Variants in CYRIB observed in about 807,000 individuals in gnomAD.
CYRIB encodes the protein CYFIP related Rac1 interactor B, also known as CYFIP-related Rac1 interactor B.
CYRIB carries 8 observed loss-of-function variants against 44.2 expected under a neutral mutation model. That is an observed-to-expected ratio of 0.18 (90% CI 0.11 to 0.33). The LOEUF (loss-of-function observed/expected upper bound fraction) is 0.33, where lower values mean the gene tolerates loss of function less well. Among genes scored for constraint, CYRIB ranks in the 10% least tolerant of loss-of-function variants. The pLI is 1.00. For synonymous variants in CYRIB, 131 were observed against 127.2 expected (o/e 1.03, Z -0.20); for missense variants, 185 against 382.8 (o/e 0.48, Z 4.31).
chr8:129,855,580 C>T lies in CYRIB; in HGVS notation c.438+31G>A, dbSNP rs368698797. 1.1e-5 allele frequency: 17 copies of T among 1,611,128 alleles called. No homozygotes were observed. In the East Asian group the frequency reaches 2.0e-4, roughly 19 times the overall value. On this transcript the variant is annotated intron_variant, in intron 6 of 11. Coordinates refer to ENST00000519824, the Ensembl canonical transcript of CYRIB. ...TACTCATTAAAAGATTCATGATTTTCGTAACAATCAGGGCCAATAGATAAT... is the reference window on the plus strand; with the variant it reads ...TACTCATTAAAAGATTCATGATTTTTGTAACAATCAGGGCCAATAGATAAT...
chr8:130,009,955 C>G (rs1454733446), intron 1 of CYRIB, among the ~76,000 whole-genome samples: 1 of 152,148 alleles, frequency 6.6e-6, no homozygotes, highest in Non-Finnish European at 1.5e-5. Context: ...CCAGACAGAG[C>G]CAGTGACAGG....
At chr8:129,851,024 C>A in intron 8 of CYRIB, 110 bp from the exon 11 acceptor site, 1 of 684,706 alleles carries the variant, frequency 1.5e-6, no homozygotes, top group South Asian at 1.7e-5. Flanking sequence ...AAACCTGGTT[C>A]CTACTCCTAA....
At chr8:129,933,886 AC>A (rs1377877882) in intron 1 of CYRIB, among the ~76,000 whole-genome samples, 9 of 142,180 alleles carry the variant, frequency 6.3e-5, no homozygotes, top group African/African-American at 1.1e-4. Context: ...TGTCACACAC[AC>A]AAAAAAAAAA....
chr8:129,964,838 C>T (rs1041715424), intron 2 of CYRIB, among the ~76,000 whole-genome samples: 14 of 152,100 alleles, frequency 9.2e-5, no homozygotes, highest in Non-Finnish European at 1.8e-4. Flanking sequence ...TGCACTTCAG[C>T]CTGGGTAGTC....
intron 1 of CYRIB, among the ~76,000 whole-genome samples, chr8:129,935,602 G>C (rs2092662935): frequency 6.6e-6 from 1 of 152,194 alleles, no homozygotes; most frequent in Non-Finnish European, 1.5e-5. Context: ...GGGGACCCCT[G>C]CTCTAGACAC....
At chr8:129,963,934 T>C (rs1285863911) in intron 2 of CYRIB, among the ~76,000 whole-genome samples, 1 of 152,260 alleles carries the variant, frequency 6.6e-6, no homozygotes, top group Non-Finnish European at 1.5e-5. Context: ...TCCATTTGTG[T>C]GCTGATCACA....
intron 4 of CYRIB, among the ~76,000 whole-genome samples, chr8:129,865,435 G>A (rs561781437): frequency 5.0e-4 from 76 of 152,320 alleles, no homozygotes; most frequent in African/African-American, 1.8e-3. Flanking sequence ...TGCAGAGTGG[G>A]AGAAGGATAC....
intron 2 of CYRIB, among the ~76,000 whole-genome samples, chr8:129,893,350 G>A (rs1417798814): frequency 6.6e-6 from 1 of 152,156 alleles, no homozygotes; most frequent in Non-Finnish European, 1.5e-5. Context: ...ACAAGTGGAA[G>A]AGACCAGACA....
intron 1 of CYRIB, among the ~76,000 whole-genome samples, chr8:130,003,130 G>T (rs2096945831): frequency 6.6e-6 from 1 of 152,284 alleles, no homozygotes; most frequent in Non-Finnish European, 1.5e-5. Context: ...GGCTGAGGTG[G>T]GAGGATTGCT....
intron 1 of CYRIB, among the ~76,000 whole-genome samples, chr8:130,006,332 C>T (rs976248805): frequency 6.7e-6 from 1 of 150,118 alleles, no homozygotes; most frequent in Admixed American, 6.7e-5. Context: ...AAGAATCTGG[C>T]TTGCCGGGTA....
At chr8:129,933,459 C>G (rs770588039) in intron 1 of CYRIB, among the ~76,000 whole-genome samples, 1 of 152,078 alleles carries the variant, frequency 6.6e-6, no homozygotes, top group Non-Finnish European at 1.5e-5. Context: ...GGCAGACACC[C>G]AGATTAAGCT....
intron 2 of CYRIB, among the ~76,000 whole-genome samples, chr8:129,967,884 T>C (rs2095548883): frequency 6.6e-6 from 1 of 152,196 alleles, no homozygotes. Context: ...AGTCCCTCTA[T>C]GTAGATGTAA....
chr8:129,863,444 G>T (rs1179037881), intron 4 of CYRIB, among the ~76,000 whole-genome samples: 1 of 151,766 alleles, frequency 6.6e-6, no homozygotes, highest in Non-Finnish European at 1.5e-5. Context: ...AGAATTGCTT[G>T]AACCCGGGAA....
intron 2 of CYRIB, among the ~76,000 whole-genome samples, chr8:129,968,689 C>T (rs988086450): frequency 2.6e-5 from 4 of 152,158 alleles, no homozygotes; most frequent in Admixed American, 6.6e-5. Flanking sequence ...GGGTCTCATA[C>T]CTCATAAGTA....
intron 1 of CYRIB, among the ~76,000 whole-genome samples, chr8:130,006,663 T>TGTATATATATAC (rs1564801311): frequency 3.5e-4 from 41 of 116,520 alleles, no homozygotes; most frequent in African/African-American, 1.2e-3. Context: ...TATATATATG[T>TGTATATATATAC]ATATATATAT....
At chr8:129,984,764 G>GT (rs2096386808) in intron 1 of CYRIB, among the ~76,000 whole-genome samples, 4 of 151,956 alleles carry the variant, frequency 2.6e-5, no homozygotes, top group African/African-American at 9.7e-5. Flanking sequence ...AAGTGGTGGG[G>GT]GTTTTTTTTG....
intron 1 of CYRIB, among the ~76,000 whole-genome samples, chr8:129,934,959 G>A (rs2092524166): frequency 6.6e-6 from 1 of 152,210 alleles, no homozygotes; most frequent in Non-Finnish European, 1.5e-5. Context: ...TAGCTTAGAA[G>A]GCATATAAGC....
At chr8:129,998,636 CT>C (rs879288933) in intron 1 of CYRIB, among the ~76,000 whole-genome samples, 1,447 of 143,006 alleles carry the variant, frequency 0.01, 8 homozygotes, top group Middle Eastern at 0.026. Flanking sequence ...AAACTCATCT[CT>C]TTTTTTTTTT....
intron 1 of CYRIB, among the ~76,000 whole-genome samples, chr8:130,014,996 C>T (rs549962483): frequency 1.3e-4 from 20 of 152,306 alleles, no homozygotes; most frequent in African/African-American, 4.6e-4. Flanking sequence ...CAAAATGACG[C>T]CTTCTTTTTA....
Sources: gnomAD v4.1 joint callset for allele counts (sites outside exome capture counted in the v4.1 genomes callset) on GRCh38, gnomAD v4.1.1 for gene constraint, MANE v1.5 for transcripts, NCBI Gene and HGNC (gene_info 2026-07-23, HGNC 2026-07-21) for gene names.